Variants in CSMD3 observed in about 807,000 individuals in gnomAD.
CSMD3 encodes the protein CUB and Sushi multiple domains 3.
A neutral mutation model predicts 435.2 loss-of-function variants in CSMD3; 177 were observed. That is an observed-to-expected ratio of 0.41 (90% CI 0.36 to 0.46). The LOEUF (loss-of-function observed/expected upper bound fraction) is 0.46, where lower values mean the gene tolerates loss of function less well. Among genes scored for constraint, CSMD3 ranks in the 20% least tolerant of loss-of-function variants. CSMD3 has a pLI of 0.34. For missense variants in CSMD3, 4,265 were observed against 4,504.6 expected, an observed-to-expected ratio of 0.95 and a Z score of 1.52; for synonymous variants, 1,656 against 1,520.5, an observed-to-expected ratio of 1.09 and a Z score of -2.07.
chr8:112,907,724 T>C (rs541451428), intron 10 of CSMD3, among the ~76,000 whole-genome samples: 31 of 151,292 alleles, frequency 2.0e-4, no homozygotes, highest in Non-Finnish European at 3.7e-4. Context: ...AATAAAGTTA[T>C]AAAAAAAGTT....
At chr8:112,282,109 T>C (rs2130590535) in intron 58 of CSMD3, among the ~76,000 whole-genome samples, 1 of 152,246 alleles carries the variant, frequency 6.6e-6, no homozygotes, top group South Asian at 2.1e-4. Context: ...GAAGGCATTT[T>C]AGTACCTTAC....
At chr8:112,245,982 T>G (rs551428808) in intron 64 of CSMD3, among the ~76,000 whole-genome samples, 1 of 152,182 alleles carries the variant, frequency 6.6e-6, no homozygotes, top group African/African-American at 2.4e-5. Context: ...TGCTTCACAG[T>G]GACAGACGCT....
In CSMD3 at chr8:112,725,848, T is replaced by C. The variant is rs150527425; in HGVS notation, c.1973-35798A>G. Reference sequence around the variant, plus strand: ...TTATTGGTGAAATGAAACATAGACATGAGAGGAGAAAACATGAGATTGCAA... The same window carrying C: ...TTATTGGTGAAATGAAACATAGACACGAGAGGAGAAAACATGAGATTGCAA... On this transcript the variant is annotated intron_variant, in intron 13 of 70. Transcript: ENST00000297405. Among the ~76,000 whole-genome samples, 31 of 152,054 alleles carry C rather than the reference T, an allele frequency of 2.0e-4. No homozygotes were observed. The East Asian group carries it at 5.6e-3, about 27-fold the overall frequency.
chr8:112,651,587 G>T (rs1205409329), intron 18 of CSMD3, among the ~76,000 whole-genome samples: 1 of 150,802 alleles, frequency 6.6e-6, no homozygotes, highest in Admixed American at 6.6e-5. Flanking sequence ...GCCCAGGCTG[G>T]AGTACAATGG....
intron 22 of CSMD3, among the ~76,000 whole-genome samples, chr8:112,615,750 T>C (rs928341760): frequency 6.6e-6 from 1 of 152,108 alleles, no homozygotes; most frequent in Non-Finnish European, 1.5e-5. Context: ...CATATGTCTG[T>C]TGCCCTTTGG....
intron 10 of CSMD3, among the ~76,000 whole-genome samples, chr8:112,877,788 G>C (rs918982925): frequency 2.0e-5 from 3 of 152,078 alleles, no homozygotes; most frequent in African/African-American, 7.2e-5. Context: ...TCTGATCTCT[G>C]ACAAACCAGA....
chr8:112,501,920 G>A (rs374008213), intron 30 of CSMD3, among the ~76,000 whole-genome samples: 3 of 151,964 alleles, frequency 2.0e-5, no homozygotes, highest in African/African-American at 7.3e-5. Context: ...AATTTAAGGG[G>A]CCAAATCAAT....
At chr8:113,361,472 T>C (rs2094276023) in intron 1 of CSMD3, among the ~76,000 whole-genome samples, 1 of 152,132 alleles carries the variant, frequency 6.6e-6, no homozygotes, top group Non-Finnish European at 1.5e-5. Context: ...ATGTCTTCAT[T>C]ATCTTTGAAT....
At chr8:112,737,627 TC>T (rs1191706289) in intron 13 of CSMD3, among the ~76,000 whole-genome samples, 2 of 151,856 alleles carry the variant, frequency 1.3e-5, no homozygotes, top group African/African-American at 4.8e-5. Context: ...CTCAGAAGTG[TC>T]CTGGTTTGAA....
At chr8:113,009,647 A>T (rs1017438732) in intron 6 of CSMD3, among the ~76,000 whole-genome samples, 7 of 151,710 alleles carry the variant, frequency 4.6e-5, no homozygotes, top group African/African-American at 1.7e-4. Flanking sequence ...TAATTGCTAT[A>T]TTTTCTGTAG....
intron 24 of CSMD3, among the ~76,000 whole-genome samples, chr8:112,562,487 C>A (rs895900016): frequency 1.1e-4 from 17 of 150,750 alleles, no homozygotes; most frequent in Non-Finnish European, 2.4e-4. Flanking sequence ...GTAAAAACTT[C>A]CAGATTGCTA....
chr8:113,408,328 T>G (rs999928926), intron 1 of CSMD3, among the ~76,000 whole-genome samples: 2 of 152,208 alleles, frequency 1.3e-5, no homozygotes, highest in Non-Finnish European at 2.9e-5. Context: ...CTTGGAATTG[T>G]TTCAATGATT....
intron 3 of CSMD3, among the ~76,000 whole-genome samples, chr8:113,241,908 A>C (rs992799150): frequency 1.3e-5 from 2 of 151,592 alleles, no homozygotes; most frequent in African/African-American, 4.8e-5. Flanking sequence ...ACTGAATGCT[A>C]TATTTGGTGT....
intron 23 of CSMD3, among the ~76,000 whole-genome samples, chr8:112,577,902 A>G (rs954831384): frequency 6.6e-6 from 1 of 152,128 alleles, no homozygotes; most frequent in Non-Finnish European, 1.5e-5. Flanking sequence ...AGGTGTTAAC[A>G]TCAATCCAAG....
At chr8:112,572,500 T>G (rs568947237) in intron 24 of CSMD3, among the ~76,000 whole-genome samples, 3 of 152,120 alleles carry the variant, frequency 2.0e-5, no homozygotes, top group Non-Finnish European at 4.4e-5. Flanking sequence ...CAAATTCCCT[T>G]TAAGATCCTA....
intron 1 of CSMD3, among the ~76,000 whole-genome samples, chr8:113,382,424 C>T (rs1050296124): frequency 1.1e-4 from 16 of 151,860 alleles, no homozygotes; most frequent in Admixed American, 1.0e-3. Context: ...AGTAGTTATC[C>T]ATTTTAGTCC....
At chr8:113,364,737 A>G (rs892264775) in intron 1 of CSMD3, among the ~76,000 whole-genome samples, 1 of 152,108 alleles carries the variant, frequency 6.6e-6, no homozygotes, top group African/African-American at 2.4e-5. Flanking sequence ...ACACAATTCA[A>G]TGTAAGGCTT....
At chr8:113,028,464 A>G (rs1324314972) in intron 5 of CSMD3, among the ~76,000 whole-genome samples, 2 of 151,640 alleles carry the variant, frequency 1.3e-5, no homozygotes, top group African/African-American at 4.8e-5. Flanking sequence ...AAAGCTAGAA[A>G]TTATTAACCT....
At chr8:112,354,535 A>G (rs1826413891) in intron 38 of CSMD3, among the ~76,000 whole-genome samples, 1 of 152,210 alleles carries the variant, frequency 6.6e-6, no homozygotes, top group Admixed American at 6.5e-5. Flanking sequence ...AAAAATTAGT[A>G]GCATTTATAT....
Sources: allele counts gnomAD v4.1 joint callset (sites outside exome capture counted in the v4.1 genomes callset), GRCh38; gene constraint gnomAD v4.1.1; transcripts MANE v1.5; gene names NCBI Gene and HGNC (gene_info 2026-07-23, HGNC 2026-07-21).